Variants in ROS1 observed in about 807,000 individuals in gnomAD.
ROS1 encodes proto-oncogene tyrosine-protein kinase ROS.
Under a neutral mutation model 273.5 loss-of-function variants are expected in ROS1, and 263 were observed. The ratio of observed to expected loss-of-function variants is 0.96; its 90% CI spans 0.87 to 1.06. The LOEUF (loss-of-function observed/expected upper bound fraction) is 1.06, where lower values mean the gene tolerates loss of function less well. Ranked by LOEUF, ROS1 falls within the 50% of genes least tolerant of loss-of-function variation. ROS1 has a pLI of 0.00. For synonymous variants in ROS1, 1,008 were observed against 954.1 expected, an observed-to-expected ratio of 1.06 and a Z score of -1.04; for missense variants, 2,833 against 2,751.1, an observed-to-expected ratio of 1.03 and a Z score of -0.67.
At position 117,396,273 on chromosome 6, in the gene ROS1, A is replaced by G. The variant is rs761159500; in HGVS notation, c.807-9T>C. ...CTGCTGCAATAGAAAACCTATTCCA[A>G]AAACAATTTGGAGAGACGTGTTTCA... On this transcript the variant is annotated splice_polypyrimidine_tract_variant and intron_variant, in intron 8 of 43. Transcript: ENST00000368507. The G allele has an allele frequency of 1.7e-5, 27 of 1,607,928 alleles. No homozygotes were observed. In the East Asian group the frequency reaches 2.7e-4, roughly 16 times the overall value.
chr6:117,301,181 A>G lies in ROS1; in HGVS notation c.6552-44T>C, dbSNP rs373697530. 3.4e-6 allele frequency: 5 copies of G among 1,469,898 alleles called. No individual in the cohort carries two copies. In the African/African-American group the frequency reaches 5.8e-5, roughly 17 times the overall value. The allele number at this position is 1,469,898 out of a possible 1,614,324, so 91.1% of individuals were successfully genotyped here. On this transcript the variant is annotated intron_variant, in intron 42 of 43. Transcript: ENST00000368507. ...ATGGGAAAGTAAATAGCAATTGGAT[A>G]TAATTACTGATAACCCAGGTAGGGT...
At chr6:117,412,639 C>G (rs544271831) in intron 4 of ROS1, among the ~76,000 whole-genome samples, 7 of 149,158 alleles carry the variant, frequency 4.7e-5, no homozygotes, top group African/African-American at 1.8e-4. Context: ...TAGATATACA[C>G]ATAGCATGTA....
rs923546663 is a variant in ROS1, at chr6:117,357,897, A to G, written c.3746T>C (p.Val1249Ala). Reference protein sequence around the residue: ...ESQNGMQVFDVDLEHKVKYPR... With the variant: ...ESQNGMQVFDADLEHKVKYPR... ...ATATTTCACCTTGTGTTCAAGATCA[A>G]CATCAAATACTTGCATTCCATTTTG... Residue 1249 changes from valine to alanine, a missense_variant, in exon 25 of 44, where the codon GTT becomes GCT. Coordinates refer to ENST00000368507, the MANE Select transcript of ROS1 (RefSeq NM_001378902.1). 1.3e-5 allele frequency: 21 copies of G among 1,613,614 alleles called. No homozygotes were observed. Among genetic ancestry groups the G allele is most frequent in the South Asian group, 2.2e-5 (2 of 91,076 alleles).
Position 117,409,590 on chromosome 6 carries a change from T to G in ROS1, c.308A>C (p.Glu103Ala), listed in dbSNP as rs576811751. ...CSSAEGAYEE[E>A]VLENADLPTA... ...CGTGTGTGTCCTCTTACCCAGTACT[T>G]CCTCTTCATATGCACCTTCCGCGCT... The change falls in exon 5 of 44, where the codon GAA becomes GCA. Residue 103 changes from glutamate (E) to alanine (A), a missense_variant. Transcript: ENST00000368507. 1.9e-6 allele frequency: 3 copies of G among 1,613,512 alleles called. No homozygotes were observed. The South Asian group carries it at 3.3e-5, about 18-fold the overall frequency.
At chr6:117,294,716 C>T (rs1774086681) in intron 43 of ROS1, among the ~76,000 whole-genome samples, 1 of 151,878 alleles carries the variant, frequency 6.6e-6, no homozygotes, top group African/African-American at 2.4e-5. Flanking sequence ...TTACAAGAGC[C>T]ACATAAAGAA....
chr6:117,409,243 A>AG lies in ROS1; in HGVS notation c.316+338_316+339insC, dbSNP rs1774695374. ...ATAAATAAATAAATAAAAAAGAGAG[A>AG]AAAAAAACTGGCATTCTCTGACATC... On this transcript the variant is annotated intron_variant, in intron 5 of 43. Transcript: ENST00000368507. 4.9e-5 allele frequency among the ~76,000 whole-genome samples: 5 copies of AG among 102,880 alleles called. No homozygotes were observed. The South Asian group carries it at 1.7e-3, about 35-fold the overall frequency. The allele number at this position is 102,880 out of a possible 152,430, so 67.5% of individuals were successfully genotyped here.
chr6:117,352,271 T>C (rs551670317), intron 27 of ROS1, among the ~76,000 whole-genome samples: 1 of 152,282 alleles, frequency 6.6e-6, no homozygotes, highest in Admixed American at 6.5e-5. Context: ...ACTGTTTTTG[T>C]TTTTGTTTGT....
intron 18 of ROS1, among the ~76,000 whole-genome samples, chr6:117,368,372 A>G (rs1780446992): frequency 1.3e-5 from 2 of 152,168 alleles, no homozygotes; most frequent in South Asian, 2.1e-4. Context: ...TGAGAATTTC[A>G]CAGTACCTCA....
intron 4 of ROS1, among the ~76,000 whole-genome samples, chr6:117,412,535 G>C (rs1169255069): frequency 4.6e-5 from 7 of 152,038 alleles, no homozygotes; most frequent in Admixed American, 4.6e-4. Flanking sequence ...CAATGAGTAA[G>C]GAGTTTGATT....
intron 7 of ROS1, among the ~76,000 whole-genome samples, chr6:117,397,498 C>T (rs1001936438): frequency 3.3e-5 from 5 of 152,002 alleles, no homozygotes; most frequent in African/African-American, 4.8e-5. Flanking sequence ...CAATGATCGA[C>T]GAGTTTAAAA....
At chr6:117,296,018 A>G (rs1774214137) in intron 43 of ROS1, among the ~76,000 whole-genome samples, 1 of 152,228 alleles carries the variant, frequency 6.6e-6, no homozygotes, top group African/African-American at 2.4e-5. Context: ...AAATCAGTAC[A>G]TCAAAGAGAT....
chr6:117,404,159 T>C, intron 6 of ROS1, 121 bp downstream of exon 6: 1 of 881,224 alleles, frequency 1.1e-6, no homozygotes, highest in South Asian at 1.6e-5. Flanking sequence ...AGGCGGAGCT[T>C]GCAGTAAGCT....
intron 26 of ROS1, 41 bp downstream of exon 26, chr6:117,356,588 T>C: frequency 7.7e-6 from 12 of 1,564,320 alleles, no homozygotes; most frequent in Non-Finnish European, 9.6e-6. Flanking sequence ...AAGGGGCTGC[T>C]CTTATTAACA....
Position 117,409,584 on chromosome 6 carries a change from A to G in ROS1, c.314T>C (p.Leu105Pro). The change falls in exon 5 of 44, where the codon CTG (leucine) becomes CCG (proline). Residue 105 changes from leucine (L) to proline (P), a missense_variant and splice_region_variant. Transcript: ENST00000368507. ...SAEGAYEEEVLENADLPTAPF... is the reference protein window; with the variant it reads ...SAEGAYEEEVPENADLPTAPF... ...AAAAGTCGTGTGTGTCCTCTTACCC[A>G]GTACTTCCTCTTCATATGCACCTTC... is the stretch of plus-strand genomic sequence containing the variant. The G allele has an allele frequency of 6.2e-7, 1 of 1,612,786 alleles. No individual in the cohort carries two copies.
chr6:117,386,860 T>C, intron 15 of ROS1, 29 bp downstream of exon 15: 2 of 1,136,550 alleles, frequency 1.8e-6, no homozygotes, highest in Non-Finnish European at 2.6e-6. Flanking sequence ...AAATCTGTCA[T>C]TCAAGTGAAC....
intron 16 of ROS1, 142 bp from the exon 17 acceptor site, chr6:117,383,650 T>C: frequency 1.4e-6 from 1 of 701,966 alleles, no homozygotes; most frequent in Non-Finnish European, 2.4e-6. Context: ...ATGTGCTGGG[T>C]AGTGTAATAA....
At position 117,363,011 on chromosome 6, in the gene ROS1, A is replaced by T. The variant is rs574568236; in HGVS notation, c.3104-146T>A. The T allele has an allele frequency of 1.6e-5, 12 of 734,930 alleles. 1 individual carries two copies. The South Asian group carries it at 2.7e-4, about 17-fold the overall frequency. The allele number at this position is 734,930 out of a possible 1,614,324, so 45.5% of individuals were successfully genotyped here. ...CAGTATATTTATTACATTCTTAAAG[A>T]TCTTCAGGAGAGAATATTCCATAGA... On this transcript the variant is annotated intron_variant, in intron 21 of 43. Coordinates refer to ENST00000368507, the MANE Select transcript of ROS1 (RefSeq NM_001378902.1).
chr6:117,387,666 G>A, intron 14 of ROS1, 114 bp downstream of exon 14: 9 of 1,033,070 alleles, frequency 8.7e-6, no homozygotes, highest in Non-Finnish European at 1.3e-5. Flanking sequence ...ATACTCAAGA[G>A]GTCAATACAC....
chr6:117,331,676 G>C (rs187066183), intron 32 of ROS1, among the ~76,000 whole-genome samples: 339 of 152,186 alleles, frequency 2.2e-3, no homozygotes, highest in African/African-American at 7.6e-3. Flanking sequence ...GAAGAGATTG[G>C]GGGCCAACAT....
Sources: allele counts gnomAD v4.1 joint callset (sites outside exome capture counted in the v4.1 genomes callset), GRCh38; gene constraint gnomAD v4.1.1; transcripts MANE v1.5; gene names NCBI Gene and HGNC (gene_info 2026-07-23, HGNC 2026-07-21).